The following FNDC3B variants were observed in gnomAD, a reference collection of about 807,000 sequenced individuals.
FNDC3B encodes the protein fibronectin type III domain-containing protein 3B.
In FNDC3B, 12 loss-of-function variants were observed where a neutral mutation model predicts 151.5. The observed-to-expected ratio is 0.08, with a 90% CI of 0.05 to 0.13. FNDC3B has a LOEUF of 0.13. Ranked by LOEUF, FNDC3B falls within the 10% of genes least tolerant of loss-of-function variation. The probability of loss-of-function intolerance (pLI) is 1.00; values close to 1 mark genes in which losing one functional copy is unlikely to be tolerated. For synonymous variants in FNDC3B, 528 were observed against 549.0 expected, an observed-to-expected ratio of 0.96 and a Z score of 0.54; for missense variants, 1,214 against 1,505.3, an observed-to-expected ratio of 0.81 and a Z score of 3.20.
intron 6 of FNDC3B, among the ~76,000 whole-genome samples, chr3:172,264,357 G>T (rs1398767261): frequency 3.3e-5 from 5 of 152,146 alleles, no homozygotes; most frequent in Non-Finnish European, 7.3e-5. Flanking sequence ...GCTACCCATA[G>T]TTGGAATGAG....
At chr3:172,334,085 A>G (rs1454350815) in intron 14 of FNDC3B, among the ~76,000 whole-genome samples, 2 of 152,228 alleles carry the variant, frequency 1.3e-5, no homozygotes, top group East Asian at 3.9e-4. Flanking sequence ...GATTCCACAC[A>G]TTCTTCTCTA....
At chr3:172,355,536 G>T (rs1313846037) in intron 22 of FNDC3B, among the ~76,000 whole-genome samples, 2 of 152,100 alleles carry the variant, frequency 1.3e-5, no homozygotes, top group African/African-American at 2.4e-5. Context: ...CCTAGCACTT[G>T]GTGCTTTAAT....
intron 14 of FNDC3B, among the ~76,000 whole-genome samples, chr3:172,333,599 C>T (rs1020567072): frequency 1.3e-5 from 2 of 151,128 alleles, no homozygotes; most frequent in African/African-American, 2.4e-5. Context: ...CTGCCTCGGC[C>T]TCCCAAAGTG....
At chr3:172,276,541 G>T (rs1729442007) in intron 6 of FNDC3B, among the ~76,000 whole-genome samples, 1 of 152,208 alleles carries the variant, frequency 6.6e-6, no homozygotes, top group South Asian at 2.1e-4. Context: ...ACATGCTAGA[G>T]ATCATCAGTA....
chr3:172,277,029 TTTGTTTATGTAGGAGAAGCTCC>T (rs1576864623), intron 6 of FNDC3B, among the ~76,000 whole-genome samples: 2 of 152,208 alleles, frequency 1.3e-5, no homozygotes, highest in Admixed American at 1.3e-4. Context: ...GTAATGTGTT[TTTGTTTATGTAGGAGAAGCTCC>T]TTGTTCTCAG....
intron 1 of FNDC3B, among the ~76,000 whole-genome samples, chr3:172,098,307 T>C (rs544362562): frequency 6.6e-6 from 1 of 152,310 alleles, no homozygotes; most frequent in African/African-American, 2.4e-5. Flanking sequence ...CATTCACCAG[T>C]TGATTTGATG....
At chr3:172,129,920 G>A (rs1248191762) in intron 2 of FNDC3B, among the ~76,000 whole-genome samples, 1 of 148,222 alleles carries the variant, frequency 6.7e-6, no homozygotes, top group South Asian at 2.3e-4. Flanking sequence ...TTTGGACAGC[G>A]ATGTTCTGTA....
chr3:172,225,367 C>G, intron 3 of FNDC3B: 7 of 181,072 alleles, frequency 3.9e-5, no homozygotes, highest in Non-Finnish European at 7.2e-5. Context: ...GAGATGGGAT[C>G]TCGCTATGTT....
intron 1 of FNDC3B, among the ~76,000 whole-genome samples, chr3:172,064,409 T>A (rs1293306359): frequency 6.6e-6 from 1 of 152,254 alleles, no homozygotes; most frequent in Non-Finnish European, 1.5e-5. Context: ...TTTATATTTT[T>A]ATTTATAATC....
At chr3:172,327,337 G>C (rs1732407140) in intron 11 of FNDC3B, among the ~76,000 whole-genome samples, 1 of 152,110 alleles carries the variant, frequency 6.6e-6, no homozygotes, top group Admixed American at 6.5e-5. Context: ...GTGCTTCCTG[G>C]CTCTAGGAGG....
chr3:172,171,600 CTTTTT>C (rs34275289), intron 3 of FNDC3B, among the ~76,000 whole-genome samples: 3 of 123,524 alleles, frequency 2.4e-5, no homozygotes, highest in Admixed American at 8.6e-5. Context: ...GCTGTATTAA[CTTTTT>C]TTTTTTTTTT....
At chr3:172,274,355 C>T (rs1054924979) in intron 6 of FNDC3B, among the ~76,000 whole-genome samples, 7 of 152,060 alleles carry the variant, frequency 4.6e-5, no homozygotes, top group Admixed American at 3.9e-4. Flanking sequence ...TTGATCTCCC[C>T]GCCTTACCCT....
rs941107154 is a variant in FNDC3B at position 172,362,560 on chromosome 3, A to G, written c.2796-73A>G. On this transcript the variant is annotated intron_variant, in intron 22 of 25. Coordinates refer to ENST00000415807, the MANE Select transcript of FNDC3B (RefSeq NM_022763.4). ...GGGACAAGTAATAAATACTATGCTCAATGTTTATTTCGAATGAAGAATTGC... is the reference window on the plus strand; with the variant it reads ...GGGACAAGTAATAAATACTATGCTCGATGTTTATTTCGAATGAAGAATTGC... 8.1e-6 allele frequency: 9 copies of G among 1,105,842 alleles called. No homozygotes were observed. In the Admixed American group the frequency reaches 8.7e-5, roughly 11 times the overall value. The allele number at this position is 1,105,842 out of a possible 1,614,324, so 68.5% of individuals were successfully genotyped here. A position where few individuals can be genotyped will look rare whatever the true frequency, so the allele number is the denominator to read the frequency against.
At chr3:172,139,812 A>C (rs935994625) in intron 3 of FNDC3B, among the ~76,000 whole-genome samples, 2 of 150,834 alleles carry the variant, frequency 1.3e-5, no homozygotes, top group African/African-American at 4.9e-5. Context: ...CCTGGCTCTG[A>C]GACAGACTTG....
chr3:172,238,402 G>A (rs1315305949), intron 4 of FNDC3B, among the ~76,000 whole-genome samples: 2 of 152,124 alleles, frequency 1.3e-5, no homozygotes, highest in Non-Finnish European at 2.9e-5. Context: ...GCAGTCGCCC[G>A]CCTTGGCCTC....
intron 3 of FNDC3B, among the ~76,000 whole-genome samples, chr3:172,142,404 A>G (rs1276789674): frequency 6.6e-6 from 1 of 152,254 alleles, no homozygotes; most frequent in Non-Finnish European, 1.5e-5. Context: ...TTAAACAATG[A>G]TTAAAATGTC....
chr3:172,339,964 T>C (rs1733209280), intron 16 of FNDC3B, among the ~76,000 whole-genome samples: 2 of 152,240 alleles, frequency 1.3e-5, no homozygotes, highest in Admixed American at 1.3e-4. Context: ...TGGAAGTTAC[T>C]CTAGTTAAAA....
At chr3:172,202,480 C>T (rs1348487580) in intron 3 of FNDC3B, among the ~76,000 whole-genome samples, 3 of 152,148 alleles carry the variant, frequency 2.0e-5, no homozygotes, top group Admixed American at 6.5e-5. Flanking sequence ...TAGTAAAGAT[C>T]CCTCCCGTCC....
intron 1 of FNDC3B, among the ~76,000 whole-genome samples, chr3:172,096,054 A>G (rs1288983224): frequency 6.6e-6 from 1 of 152,220 alleles, no homozygotes; most frequent in African/African-American, 2.4e-5. Flanking sequence ...GCCACATCGT[A>G]CATATTGCCA....
Sources: gnomAD v4.1 joint callset for allele counts (sites outside exome capture counted in the v4.1 genomes callset) on GRCh38, gnomAD v4.1.1 for gene constraint, MANE v1.5 for transcripts, NCBI Gene and HGNC (gene_info 2026-07-23, HGNC 2026-07-21) for gene names.